The following KSR2 variants were observed in gnomAD, a reference collection of about 807,000 sequenced individuals.
KSR2 encodes kinase suppressor of ras 2.
A neutral mutation model predicts 107.8 loss-of-function variants in KSR2; 25 were observed. The ratio of observed to expected loss-of-function variants is 0.23; its 90% CI spans 0.17 to 0.32. The LOEUF (loss-of-function observed/expected upper bound fraction) is 0.32, where lower values mean the gene tolerates loss of function less well. Among genes scored for constraint, KSR2 ranks in the 10% least tolerant of loss-of-function variants. The pLI is 1.00. For missense variants in KSR2, 887 were observed against 1,268.9 expected, an observed-to-expected ratio of 0.70 and a Z score of 4.57; for synonymous variants, 480 against 507.0, an observed-to-expected ratio of 0.95 and a Z score of 0.71.
chr12:117,552,118 T>C (rs766720729), intron 9 of KSR2, among the ~76,000 whole-genome samples: 1 of 152,250 alleles, frequency 6.6e-6, no homozygotes, highest in Non-Finnish European at 1.5e-5. Flanking sequence ...TAGAGACCTA[T>C]ATCTTTTGCC....
At chr12:117,731,485 T>A (rs1355372304) in intron 4 of KSR2, among the ~76,000 whole-genome samples, 2 of 151,810 alleles carry the variant, frequency 1.3e-5, no homozygotes, top group Non-Finnish European at 2.9e-5. Context: ...GGCCGCCCCA[T>A]CTGGGAAGTG....
chr12:117,907,970 G>A lies in KSR2; in HGVS notation c.181-47539C>T, dbSNP rs545361282. Reference sequence around the variant, plus strand: ...GGAAGATATTGGAAGATTCAGGTTGGGTAAAACTAAAGGGATAATTAGTTT... The same window carrying A: ...GGAAGATATTGGAAGATTCAGGTTGAGTAAAACTAAAGGGATAATTAGTTT... On this transcript the variant is annotated intron_variant, in intron 1 of 19. Coordinates refer to ENST00000339824, the MANE Select transcript of KSR2 (RefSeq NM_173598.6). This position sits in a 1 kb window ranked among gnomAD's most constrained non-coding sequence, Gnocchi z 4.3. Among the ~76,000 whole-genome samples, 253 of 152,014 alleles carry A rather than the reference G, an allele frequency of 1.7e-3. No homozygotes were observed. The highest frequency in any genetic ancestry group is 5.9e-3 in the African/African-American group (245 of 41,460).
intron 3 of KSR2, among the ~76,000 whole-genome samples, chr12:117,843,576 G>A (rs1164245318): frequency 6.6e-6 from 1 of 152,194 alleles, no homozygotes; most frequent in Non-Finnish European, 1.5e-5. Context: ...CAAAAGAGAA[G>A]GAGCCATCAT....
chr12:117,801,588 G>A (rs1593252648), intron 3 of KSR2, among the ~76,000 whole-genome samples: 1 of 152,226 alleles, frequency 6.6e-6, no homozygotes, highest in Non-Finnish European at 1.5e-5. Flanking sequence ...CACTTCACAT[G>A]GCCAGAGTGG....
chr12:117,557,096 C>T (rs1592990097), intron 8 of KSR2, among the ~76,000 whole-genome samples: 3 of 152,262 alleles, frequency 2.0e-5, no homozygotes, highest in African/African-American at 7.2e-5. Flanking sequence ...ACCCGGGAGG[C>T]AGAGGTTGCA....
At chr12:117,762,341 C>T (rs66776219) in intron 3 of KSR2, among the ~76,000 whole-genome samples, 13,261 of 152,276 alleles carry the variant, frequency 0.087, 626 homozygotes, top group Middle Eastern at 0.14. Flanking sequence ...CGCATACTTC[C>T]TCCAGATCTG....
At chr12:117,725,054 G>C (rs1887364189) in intron 4 of KSR2, among the ~76,000 whole-genome samples, 1 of 146,966 alleles carries the variant, frequency 6.8e-6, no homozygotes, top group African/African-American at 2.5e-5. Flanking sequence ...TTTTATCCCT[G>C]GCTTAATTCC....
At chr12:117,789,589 C>G (rs372647207) in intron 3 of KSR2, among the ~76,000 whole-genome samples, 2 of 152,188 alleles carry the variant, frequency 1.3e-5, no homozygotes, top group Admixed American at 6.5e-5. Flanking sequence ...GAACCCAGAT[C>G]ATTTAAGCCC....
chr12:117,789,901 C>G (rs7959050), intron 3 of KSR2, among the ~76,000 whole-genome samples: 86,664 of 152,062 alleles, frequency 0.57, 26,156 homozygotes, highest in East Asian at 0.77. Flanking sequence ...TCCACACACA[C>G]ACACACAGCA....
intron 4 of KSR2, among the ~76,000 whole-genome samples, chr12:117,693,479 A>G (rs1328780506): frequency 6.6e-6 from 1 of 152,116 alleles, no homozygotes; most frequent in African/African-American, 2.4e-5. Context: ...CTCCTCCCCC[A>G]CATCTCTGCT....
intron 5 of KSR2, among the ~76,000 whole-genome samples, chr12:117,644,255 T>C (rs1883517862): frequency 6.6e-6 from 1 of 152,248 alleles, no homozygotes; most frequent in African/African-American, 2.4e-5. Context: ...CCTCTGCACC[T>C]GTAAATTACA....
At chr12:117,943,284 T>C (rs1896066419) in intron 1 of KSR2, among the ~76,000 whole-genome samples, 1 of 152,116 alleles carries the variant, frequency 6.6e-6, no homozygotes, top group African/African-American at 2.4e-5. Flanking sequence ...GAAATTAGTA[T>C]GAACAATTCA....
chr12:117,930,714 G>A (rs1363585194), intron 1 of KSR2, among the ~76,000 whole-genome samples: 2 of 152,138 alleles, frequency 1.3e-5, no homozygotes, highest in Non-Finnish European at 2.9e-5. Context: ...TCAGGAGTTC[G>A]AGACCAGCCT....
intron 3 of KSR2, among the ~76,000 whole-genome samples, chr12:117,808,850 G>A (rs1202883743): frequency 1.3e-5 from 2 of 152,124 alleles, no homozygotes; most frequent in Non-Finnish European, 2.9e-5. Context: ...TAGAGTTCTG[G>A]CCAATGGAAT....
At chr12:117,956,812 T>C (rs1038086139) in intron 1 of KSR2, among the ~76,000 whole-genome samples, 1 of 152,158 alleles carries the variant, frequency 6.6e-6, no homozygotes, top group Non-Finnish European at 1.5e-5. Context: ...ATCTGGTGTG[T>C]ATTTGACACT....
At chr12:117,884,068 C>A (rs996122452) in intron 1 of KSR2, among the ~76,000 whole-genome samples, 2 of 151,998 alleles carry the variant, frequency 1.3e-5, no homozygotes, top group African/African-American at 4.8e-5. Flanking sequence ...TGCAAAGCAA[C>A]CTAGTGAGAA....
At chr12:117,581,495 GTACTGAGGCTAA>G (rs2136241424) in intron 6 of KSR2, among the ~76,000 whole-genome samples, 1 of 152,306 alleles carries the variant, frequency 6.6e-6, no homozygotes, top group Non-Finnish European at 1.5e-5. Context: ...AGAACACAAA[GTACTGAGGCTAA>G]TTAGCTTTTC....
In KSR2 at chr12:117,763,122, T is replaced by A. The variant is rs554211162; in HGVS notation, c.473-1598A>T. Among the ~76,000 whole-genome samples the A allele has an allele frequency of 7.9e-5, 12 of 151,952 alleles. No homozygotes were observed. In the South Asian group the frequency reaches 2.5e-3, roughly 32 times the overall value. ...GTTCTCATTGTTCAATTCCCACCTA[T>A]GAGTGAGAACATGCGGTGTTTGGTT... On this transcript the variant is annotated intron_variant, in intron 3 of 19. Coordinates refer to ENST00000339824, the MANE Select transcript of KSR2 (RefSeq NM_173598.6).
rs769577117 is a variant in KSR2, at chr12:117,524,847, C to T, written c.2219+5G>A. 6.2e-7 allele frequency: 1 copy of T among 1,601,898 alleles called. No homozygotes were observed. Among genetic ancestry groups the T allele is most frequent in the African/African-American group, 1.3e-5 (1 of 74,728 alleles). ...TCCCTGGGTAGAAGCCCAGGTGGAACTGACCTGGTGATGATGGCCAGGTGA... is the reference window on the plus strand; with the variant it reads ...TCCCTGGGTAGAAGCCCAGGTGGAATTGACCTGGTGATGATGGCCAGGTGA... On this transcript the variant is annotated splice_donor_5th_base_variant and intron_variant, in intron 14 of 19. Coordinates refer to ENST00000339824, the MANE Select transcript of KSR2 (RefSeq NM_173598.6).
Sources: gnomAD v4.1 joint callset for allele counts (sites outside exome capture counted in the v4.1 genomes callset) on GRCh38, gnomAD v4.1.1 for gene constraint, Gnocchi (gnomAD v3.1) non-coding constraint, MANE v1.5 for transcripts, NCBI Gene and HGNC (gene_info 2026-07-23, HGNC 2026-07-21) for gene names.